The following ZFX variants were observed in gnomAD, a reference collection of about 807,000 sequenced individuals.
ZFX encodes the protein zinc finger protein X-linked, also known as zinc finger X-chromosomal protein.
For missense variants in ZFX, 362 were observed against 628.3 expected (o/e 0.58, Z 4.53); for synonymous variants, 196 against 226.8 (o/e 0.86, Z 1.22).
chrX:24,206,316 A>G (rs1465281502), intron 5 of ZFX, among the ~76,000 whole-genome samples: 2 of 111,871 alleles, frequency 1.8e-5, no homozygotes, highest in Non-Finnish European at 3.8e-5. Flanking sequence ...CTTATAAAAT[A>G]TTTATATGAA....
intron 1 of ZFX, chrX:24,150,101 T>G (rs1931815378): frequency 2.2e-5 from 2 of 90,404 alleles, no homozygotes; most frequent in African/African-American, 4.1e-5. Context: ...GGGTGAGGCC[T>G]GGCGAGGAGG....
intron 4 of ZFX, among the ~76,000 whole-genome samples, chrX:24,177,435 T>C (rs1166896424): frequency 9.0e-6 from 1 of 111,189 alleles, no homozygotes; most frequent in Non-Finnish European, 1.9e-5. Context: ...GTAGGGGAAC[T>C]ATGTTCCGAG....
chrX:24,163,907 C>G (rs1462783902), intron 3 of ZFX, among the ~76,000 whole-genome samples: 1 of 102,727 alleles, frequency 9.7e-6, no homozygotes, highest in Admixed American at 1.1e-4. Context: ...TGGTAATTTA[C>G]ATTTTCCGTC....
rs745907905 is a variant in ZFX, at chrX:24,192,519, CTT to C, written c.646+12750_646+12751del. On this transcript the variant is annotated intron_variant, in intron 5 of 9. Transcript: ENST00000304543. ...TGTCCTCATGGCATAGATTTTCCCT[CTT>C]GTTTGTGCCTCCTAGATAATTTCAG... Among the ~76,000 whole-genome samples the C allele has an allele frequency of 2.3e-4, 26 of 111,413 alleles. No individual in the cohort carries two copies. In the South Asian group the frequency reaches 8.3e-3, roughly 36 times the overall value.
intron 5 of ZFX, among the ~76,000 whole-genome samples, chrX:24,204,695 C>T (rs1937515558): frequency 8.9e-6 from 1 of 111,893 alleles, no homozygotes; most frequent in South Asian, 3.7e-4. Flanking sequence ...GCTCCATATT[C>T]CAGAAGTTGA....
At chrX:24,151,990 C>T (rs1932216263) in intron 2 of ZFX, among the ~76,000 whole-genome samples, 190 bp downstream of exon 2, 1 of 111,718 alleles carries the variant, frequency 9.0e-6, no homozygotes, top group African/African-American at 3.3e-5. Flanking sequence ...ATTTCTCATC[C>T]GAAATAATCT....
At position 24,214,027 on chromosome X, in the gene ZFX, G is replaced by C. The variant is rs1395129320; in HGVS notation, c.*2651G>C. ...AAGCACAACATTAAAACCTTTAAAA[G>C]GTATTTAAGGGTTTGGTCAAGTGAA... is the stretch of plus-strand genomic sequence containing the variant. On this transcript the variant is annotated 3_prime_UTR_variant, in exon 10 of 10. Coordinates refer to ENST00000304543, the MANE Select transcript of ZFX (RefSeq NM_003410.4). 1 of 111,362 alleles carries C rather than the reference G, an allele frequency of 9.0e-6. No homozygotes were observed. Among genetic ancestry groups the C allele is most frequent in the Non-Finnish European group, 1.9e-5 (1 of 52,990 alleles). The allele number at this position is 111,362 out of a possible 1,213,427, so 9.2% of individuals were successfully genotyped here.
At chrX:24,168,003 T>C (rs1433612996) in intron 3 of ZFX, among the ~76,000 whole-genome samples, 1 of 111,134 alleles carries the variant, frequency 9.0e-6, no homozygotes, top group Admixed American at 9.6e-5. Flanking sequence ...ATTTAAGGGC[T>C]GATAGAGTCA....
chrX:24,204,726 C>G lies in ZFX; in HGVS notation c.647-2600C>G, dbSNP rs191872165. On this transcript the variant is annotated intron_variant, in intron 5 of 9. Transcript: ENST00000304543. ...GTTGACGAGCCCTGATTGGGACTAA[C>G]GTAGCTTGAGATCTGAATTGCGTGA... is the stretch of plus-strand genomic sequence containing the variant. 2.5e-4 allele frequency among the ~76,000 whole-genome samples: 28 copies of G among 112,100 alleles called. No homozygotes were observed. In the East Asian group the frequency reaches 7.2e-3, roughly 29 times the overall value.
intron 5 of ZFX, among the ~76,000 whole-genome samples, chrX:24,200,708 A>G (rs1016201170): frequency 1.1e-4 from 12 of 111,801 alleles, no homozygotes; most frequent in African/African-American, 3.9e-4. Flanking sequence ...GCACATTTTC[A>G]TTTCTTTCAG....
At chrX:24,164,577 G>A (rs1297057426) in intron 3 of ZFX, among the ~76,000 whole-genome samples, 1 of 111,634 alleles carries the variant, frequency 9.0e-6, no homozygotes, top group Non-Finnish European at 1.9e-5. Context: ...TCAAATTACA[G>A]CGTTGGTGAT....
chrX:24,150,433 C>T (rs1464391174), intron 1 of ZFX: 1 of 112,576 alleles, frequency 8.9e-6, no homozygotes, highest in Non-Finnish European at 1.9e-5. Flanking sequence ...GGCCATTGCC[C>T]TTGCCGCCAT....
chrX:24,151,424 TAGGTAG>T (rs1569116052), intron 1 of ZFX: 2 of 111,588 alleles, frequency 1.8e-5, no homozygotes, highest in African/African-American at 6.5e-5. Context: ...AGGACTTTGT[TAGGTAG>T]AGGTGGAGGT....
chrX:24,149,959 C>G (rs1006943029), intron 1 of ZFX, 165 bp downstream of exon 1: 1 of 108,112 alleles, frequency 9.2e-6, no homozygotes, highest in Non-Finnish European at 1.9e-5. Flanking sequence ...CGGGGAGGAG[C>G]CCGGCTGCCC....
intron 4 of ZFX, 104 bp downstream of exon 4, chrX:24,172,904 G>A: frequency 1.2e-6 from 1 of 848,999 alleles, no homozygotes; most frequent in African/African-American, 2.0e-5. Flanking sequence ...AGGTTATCTT[G>A]TTATCCTGTC....
intron 3 of ZFX, among the ~76,000 whole-genome samples, chrX:24,162,617 C>CA (rs774493173): frequency 1.3e-4 from 14 of 111,699 alleles, no homozygotes; most frequent in African/African-American, 4.2e-4. Context: ...TGATAACTGA[C>CA]ATCATTCTCA....
chrX:24,193,479 G>C (rs962957949), intron 5 of ZFX, among the ~76,000 whole-genome samples: 3 of 111,599 alleles, frequency 2.7e-5, no homozygotes, highest in African/African-American at 9.8e-5. Flanking sequence ...GTTTCTTTAT[G>C]GGGAATTAGA....
intron 3 of ZFX, among the ~76,000 whole-genome samples, chrX:24,162,896 CTG>C (rs1373281276): frequency 9.0e-6 from 1 of 111,414 alleles, no homozygotes; most frequent in Non-Finnish European, 1.9e-5. Flanking sequence ...TACCTTCTGT[CTG>C]TGTGGATTTG....
At chrX:24,172,673 G>A (rs1324165483) in intron 3 of ZFX, 42 bp from the exon 4 acceptor site, 30 of 1,025,520 alleles carry the variant, frequency 2.9e-5, no homozygotes, top group Non-Finnish European at 3.8e-5. Flanking sequence ...TACCTGATAT[G>A]AAAAAACTAA....
Sources: gnomAD v4.1 joint callset for allele counts (sites outside exome capture counted in the v4.1 genomes callset) on GRCh38, gnomAD v4.1.1 for gene constraint, MANE v1.5 for transcripts, NCBI Gene and HGNC (gene_info 2026-07-23, HGNC 2026-07-21) for gene names.